Variants in TGM6 observed in about 807,000 individuals in gnomAD.
The protein encoded by TGM6 is transglutaminase 6.
In TGM6, 74 loss-of-function variants were observed where a neutral mutation model predicts 77.5. The observed-to-expected ratio is 0.96, with a 90% CI of 0.79 to 1.16. The LOEUF (loss-of-function observed/expected upper bound fraction) is 1.16. TGM6 is among the 50% of genes most tolerant of loss of function. The probability of loss-of-function intolerance (pLI) is 0.00; values close to 1 mark genes in which losing one functional copy is unlikely to be tolerated. For synonymous variants in TGM6, 383 were observed against 378.9 expected, an observed-to-expected ratio of 1.01 and a Z score of -0.12; for missense variants, 968 against 940.2, an observed-to-expected ratio of 1.03 and a Z score of -0.39.
intron 1 of TGM6, among the ~76,000 whole-genome samples, chr20:2,391,770 A>T (rs969885964): frequency 6.6e-6 from 1 of 152,206 alleles, no homozygotes; most frequent in Non-Finnish European, 1.5e-5. Flanking sequence ...TGCTTAAAAC[A>T]ATATTTGGCT....
chr20:2,422,316 A>G (rs529615652), intron 10 of TGM6, among the ~76,000 whole-genome samples: 1 of 152,272 alleles, frequency 6.6e-6, no homozygotes, highest in South Asian at 2.1e-4. Flanking sequence ...CTTCAGCACC[A>G]TTTGTTGACT....
chr20:2,428,818 A>G (rs914837759), intron 10 of TGM6, among the ~76,000 whole-genome samples: 1 of 152,068 alleles, frequency 6.6e-6, no homozygotes, highest in African/African-American at 2.4e-5. Context: ...TAGCTTTTAT[A>G]ATTATAATTA....
chr20:2,398,814 G>A (rs1439920880), intron 5 of TGM6, among the ~76,000 whole-genome samples: 1 of 151,448 alleles, frequency 6.6e-6, no homozygotes, highest in African/African-American at 2.4e-5. Context: ...CTCCCAAAAG[G>A]TGTCTGCAGG....
intron 1 of TGM6, among the ~76,000 whole-genome samples, chr20:2,383,468 T>C (rs770207486): frequency 1.3e-5 from 2 of 151,936 alleles, no homozygotes; most frequent in Non-Finnish European, 2.9e-5. Context: ...GTGAGCAAAT[T>C]AGTTGGGGAG....
chr20:2,399,733 G>A lies in TGM6; in HGVS notation c.845G>A (p.Cys282Tyr). 1 of 1,613,488 alleles carries A rather than the reference G, an allele frequency of 6.2e-7. No individual in the cohort carries two copies. The change falls in exon 6 of 13, where the codon TGC becomes TAC. Residue 282 changes from cysteine (C) to tyrosine (Y), a missense_variant. Transcript: ENST00000202625. ...GQCWVFAGVL[C>Y]TVLRCLGIAT... ...TGCTGGGTCTTCGCCGGAGTCCTGT[G>A]CACAGGTACCCTGGGAGAGAAGGGC...
chr20:2,390,183 A>G (rs1008096069), intron 1 of TGM6, among the ~76,000 whole-genome samples: 1 of 152,090 alleles, frequency 6.6e-6, no homozygotes, highest in Non-Finnish European at 1.5e-5. Flanking sequence ...CTTCCTGTTC[A>G]TTGTACTGAT....
At chr20:2,390,159 G>A (rs554474752) in intron 1 of TGM6, among the ~76,000 whole-genome samples, 86 of 152,216 alleles carry the variant, frequency 5.6e-4, no homozygotes, top group East Asian at 1.9e-4. Context: ...TCTCATTGCC[G>A]TGAGCGATGA....
chr20:2,417,282 G>A lies in TGM6; in HGVS notation c.1387G>A (p.Gly463Ser), dbSNP rs138184667. 225 of 1,611,314 alleles carry A rather than the reference G, an allele frequency of 1.4e-4. No homozygotes were observed. In the African/African-American group the frequency reaches 2.8e-3, roughly 20 times the overall value. Residue 463 changes from glycine (G) to serine (S), a missense_variant, in exon 10 of 13, where the codon GGC (glycine) becomes AGC (serine). Physicochemically the swap from Gly to Ser is moderately conservative, Grantham distance 56. Coordinates refer to ENST00000202625, the MANE Select transcript of TGM6 (RefSeq NM_198994.3). ...CAGCAAGGCGGTGAACAGGCTGTTC[G>A]GCGTGGAAGCCTCTGGAAGGAGAAT... ...VYSKAVNRLF[G>S]VEASGRRIWI...
intron 9 of TGM6, among the ~76,000 whole-genome samples, chr20:2,413,814 G>C (rs942091733): frequency 1.3e-5 from 2 of 152,170 alleles, no homozygotes; most frequent in Non-Finnish European, 2.9e-5. Context: ...AAACATAGGA[G>C]TAAATCTTCA....
At chr20:2,385,086 C>T (rs1360768866) in intron 1 of TGM6, among the ~76,000 whole-genome samples, 1 of 152,170 alleles carries the variant, frequency 6.6e-6, no homozygotes, top group Non-Finnish European at 1.5e-5. Flanking sequence ...AAGCTGGGAC[C>T]ATGATCACGT....
intron 9 of TGM6, among the ~76,000 whole-genome samples, chr20:2,414,118 T>A (rs966656292): frequency 6.6e-6 from 1 of 152,126 alleles, no homozygotes; most frequent in Admixed American, 6.5e-5. Context: ...GCTTGGCCCA[T>A]CCTAGCACCT....
At chr20:2,431,175 CTTAT>C in intron 12 of TGM6, 148 bp downstream of exon 12, 1 of 917,402 alleles carries the variant, frequency 1.1e-6, no homozygotes, top group Middle Eastern at 3.1e-4. Flanking sequence ...CCTTCATTCA[CTTAT>C]TTATTCCTTC....
intron 3 of TGM6, among the ~76,000 whole-genome samples, chr20:2,396,064 CA>C (rs1391477750): frequency 6.6e-6 from 1 of 151,824 alleles, no homozygotes; most frequent in African/African-American, 2.4e-5. Context: ...CCTGTAATCC[CA>C]GCTACTCGGG....
At chr20:2,390,781 T>A (rs1223568191) in intron 1 of TGM6, among the ~76,000 whole-genome samples, 1 of 152,152 alleles carries the variant, frequency 6.6e-6, no homozygotes, top group African/African-American at 2.4e-5. Context: ...AGGTGACATT[T>A]GAGCAAAGAC....
rs1299327871 is a variant in TGM6, at chr20:2,430,483, T to A, written c.1716T>A (p.Tyr572Ter). 29 of 1,614,200 alleles carry A rather than the reference T, an allele frequency of 1.8e-5. No homozygotes were observed. Among genetic ancestry groups the A allele is most frequent in the Non-Finnish European group, 2.5e-5 (29 of 1,180,042 alleles). Residue 572 changes from tyrosine (Y) to a stop codon, truncating the protein, a stop_gained, in exon 11 of 13, where the codon TAT (tyrosine) becomes TAA (stop). Transcript: ENST00000202625. LOFTEE classifies it high-confidence loss of function. Reference sequence around the variant, plus strand: ...CAATTACAATATCTTACTCTAAGTATAAAGAAGACCTGACAGAGGACAAGA... The same window carrying A: ...CAATTACAATATCTTACTCTAAGTAAAAAGAAGACCTGACAGAGGACAAGA... ...RIPITISYSK[Y>*]KEDLTEDKKI... is the part of the protein sequence containing the mutation.
rs201964784 is a variant in TGM6 at position 2,417,423 on chromosome 20, G to A, written c.1528G>A (p.Asp510Asn). The A allele has an allele frequency of 6.2e-7, 1 of 1,612,992 alleles. No homozygotes were observed. ...GCTAGAGCCTCCCATGCTGGGCCAC[G>A]ACCTGAGACTGGCCCTGTGCTTGGC... is the stretch of plus-strand genomic sequence containing the variant. ...KVLEPPMLGHDLRLALCLANL... is the reference protein window; with the variant it reads ...KVLEPPMLGHNLRLALCLANL... The change falls in exon 10 of 13, where the codon GAC becomes AAC. Residue 510 changes from aspartate to asparagine, a missense_variant. Asp to Asn is a conservative substitution (Grantham distance 23). Coordinates refer to ENST00000202625, the MANE Select transcript of TGM6 (RefSeq NM_198994.3).
intron 9 of TGM6, among the ~76,000 whole-genome samples, chr20:2,412,357 T>C (rs1599958259): frequency 6.6e-6 from 1 of 152,116 alleles, no homozygotes; most frequent in East Asian, 1.9e-4. Context: ...GGCATTATTG[T>C]TTAATAGGTA....
chr20:2,380,945 C>T lies in TGM6; in HGVS notation c.-24C>T. Reference sequence around the variant, plus strand: ...GTGCACACACTGCTGTGTGGAGGAACAGAGGAGTCCAGCTGGCCTTCACAT... The same window carrying T: ...GTGCACACACTGCTGTGTGGAGGAATAGAGGAGTCCAGCTGGCCTTCACAT... On this transcript the variant is annotated 5_prime_UTR_variant, in exon 1 of 13. Coordinates refer to ENST00000202625, the MANE Select transcript of TGM6 (RefSeq NM_198994.3). 6.2e-7 allele frequency: 1 copy of T among 1,605,464 alleles called. No homozygotes were observed. The highest frequency in any genetic ancestry group is 1.3e-5 in the African/African-American group (1 of 74,970).
intron 12 of TGM6, among the ~76,000 whole-genome samples, chr20:2,432,255 C>T (rs1386850203): frequency 6.6e-6 from 1 of 152,084 alleles, no homozygotes; most frequent in Non-Finnish European, 1.5e-5. Flanking sequence ...ACCACGTTGG[C>T]CAGGCTGGTC....
Sources: allele counts gnomAD v4.1 joint callset (sites outside exome capture counted in the v4.1 genomes callset), GRCh38; gene constraint gnomAD v4.1.1; transcripts MANE v1.5; gene names NCBI Gene and HGNC (gene_info 2026-07-23, HGNC 2026-07-21).